RNF123: variants seen among roughly 807,000 people sequenced by gnomAD.
RNF123 encodes the protein E3 ubiquitin-protein ligase RNF123.
RNF123 carries 86 observed loss-of-function variants against 168.5 expected under a neutral mutation model. The observed-to-expected ratio is 0.51, with a 90% CI of 0.43 to 0.61. The LOEUF is 0.61. RNF123 is among the 20% of genes least tolerant of loss of function. RNF123 has a pLI of 0.00. For missense variants in RNF123, 1,419 were observed against 1,729.7 expected (o/e 0.82, Z 3.19); for synonymous variants, 666 against 689.1 (o/e 0.97, Z 0.52).
In RNF123 at chr3:49,716,144, C is replaced by T; in HGVS notation, c.3382C>T (p.Leu1128=). The T allele has an allele frequency of 6.2e-7, 1 of 1,613,742 alleles. No individual in the cohort carries two copies. Among genetic ancestry groups the T allele is most frequent in the Non-Finnish European group, 8.5e-7 (1 of 1,179,940 alleles). The change falls in exon 34 of 39, where the codon CTG becomes TTG. Residue 1128 remains leucine (L), a synonymous_variant. Coordinates refer to ENST00000327697, the MANE Select transcript of RNF123 (RefSeq NM_022064.5). ...GAACCGGGTGACAGCTGAGAGGAAC[C>T]TGTTTGATCGTGTGGTCACCCTACG... is the stretch of plus-strand genomic sequence containing the variant. ...VLNRVTAERN[L]FDRVVTLRLP...
At chr3:49,716,506 G>T in intron 35 of RNF123, 29 bp downstream of exon 35, 2 of 1,597,478 alleles carry the variant, frequency 1.3e-6, no homozygotes, top group South Asian at 2.2e-5. Flanking sequence ...GGGCCCCTGT[G>T]GGAGTTGGGT....
chr3:49,697,531 C>G, intron 5 of RNF123, 74 bp downstream of exon 5: 1 of 1,211,446 alleles, frequency 8.3e-7, no homozygotes, highest in Non-Finnish European at 1.2e-6. Flanking sequence ...CTGATGTGGC[C>G]CTAGTCTCTC....
intron 35 of RNF123, 188 bp from the exon 36 acceptor site, chr3:49,720,323 A>G: frequency 4.1e-6 from 2 of 491,646 alleles, no homozygotes; most frequent in South Asian, 6.8e-5. Context: ...TCAAGAAAAA[A>G]AAAAAAAAAA....
chr3:49,700,343 CT>C lies in RNF123; in HGVS notation c.1103del (p.Phe368SerfsTer14). 6.2e-7 allele frequency: 1 copy of C among 1,614,188 alleles called. No homozygotes were observed. Among genetic ancestry groups the C allele is most frequent in the Non-Finnish European group, 8.5e-7 (1 of 1,180,012 alleles). ...VHQVLDLLWL[F>X]MEDYEVQDCL... Reference sequence around the variant, plus strand: ...ACCAGGTCCTGGACCTCTTGTGGCTCTTCATGGAGGTGAGGCTCCTGACCTC... The same window carrying C: ...ACCAGGTCCTGGACCTCTTGTGGCTCTCATGGAGGTGAGGCTCCTGACCTC... On this transcript the variant is annotated frameshift_variant, in exon 13 of 39. Coordinates refer to ENST00000327697, the MANE Select transcript of RNF123 (RefSeq NM_022064.5). LOFTEE classifies it high-confidence loss of function.
Position 49,713,790 on chromosome 3 carries a change from C to T in RNF123, c.2802C>T (p.His934=), listed in dbSNP as rs143071861. 4.9e-4 allele frequency: 783 copies of T among 1,612,206 alleles called. No homozygotes were observed. The highest frequency in any genetic ancestry group is 1.2e-3 in the Middle Eastern group (7 of 6,066). Reference sequence around the variant, plus strand: ...TGGCCAGCTACGTGTGCTACCCACACTCCCTGCGGGCTGTGGAGCGAATCC... The same window carrying T: ...TGGCCAGCTACGTGTGCTACCCACATTCCCTGCGGGCTGTGGAGCGAATCC... The part of the protein sequence containing the change: ...QALASYVCYP[H]SLRAVERIPE... Residue 934 remains histidine, a synonymous_variant, in exon 29 of 39, where the codon CAC becomes CAT. Transcript: ENST00000327697.
rs372671110 is a variant in RNF123 at position 49,720,908 on chromosome 3, C to T, written c.3738+14C>T. 6.1e-5 allele frequency: 98 copies of T among 1,613,448 alleles called. No homozygotes were observed. The highest frequency in any genetic ancestry group is 5.7e-5 in the Non-Finnish European group (67 of 1,179,572). On this transcript the variant is annotated intron_variant, in intron 37 of 38. Coordinates refer to ENST00000327697, the MANE Select transcript of RNF123 (RefSeq NM_022064.5). ...GCTGCCTCCCTGGTGAGTGGGAACA[C>T]GGTGCACAGGTCCATGCCACTTGAA...
rs1462622328 is a variant in RNF123, at chr3:49,716,285, G to A, written c.3415+108G>A. 4 of 1,547,276 alleles carry A rather than the reference G, an allele frequency of 2.6e-6. No homozygotes were observed. In the African/African-American group the frequency reaches 5.4e-5, roughly 21 times the overall value. On this transcript the variant is annotated intron_variant, in intron 34 of 38. Transcript: ENST00000327697. ...CTGCCCCCGGACAGCCAGACTTGGTGCTCTGCAGTCTCGGCTCACCCTTCT... is the reference window on the plus strand; with the variant it reads ...CTGCCCCCGGACAGCCAGACTTGGTACTCTGCAGTCTCGGCTCACCCTTCT...
rs1320838000 is a variant in RNF123 at position 49,698,424 on chromosome 3, G to A, written c.484-16G>A. The A allele has an allele frequency of 1.9e-6, 3 of 1,611,368 alleles. No individual in the cohort carries two copies. The highest frequency in any genetic ancestry group is 4.5e-5 in the East Asian group (2 of 44,886). On this transcript the variant is annotated splice_polypyrimidine_tract_variant and intron_variant, in intron 7 of 38. Coordinates refer to ENST00000327697, the MANE Select transcript of RNF123 (RefSeq NM_022064.5). ...TGCCTGCCTCACCAGGGACCTCATA[G>A]GCATTTCCTCCCTAGGAGGGGGTTG...
In RNF123 at chr3:49,715,957, T is replaced by G. The variant is rs769382738; in HGVS notation, c.3286T>G (p.Phe1096Val). Residue 1096 changes from phenylalanine to valine, a missense_variant, in exon 33 of 39, where the codon TTC becomes GTC. By Grantham distance (50) the Phe-to-Val change is conservative (BLOSUM62 -1). This residue lies in a region of RNF123 where 538 missense variants were observed against 708.8 expected (regional missense o/e 0.76). Transcript: ENST00000327697. Reference sequence around the variant, plus strand: ...GACTATCACACTGGTGCCTGAGATATTCCTTGACTGGACCCGGCCTACCTC... The same window carrying G: ...GACTATCACACTGGTGCCTGAGATAGTCCTTGACTGGACCCGGCCTACCTC... ...EMTITLVPEI[F>V]LDWTRPTSEM... 1.2e-6 allele frequency: 2 copies of G among 1,614,040 alleles called. No homozygotes were observed. The highest frequency in any genetic ancestry group is 1.1e-5 in the South Asian group (1 of 91,092).
At position 49,697,215 on chromosome 3, in the gene RNF123, A is replaced by T; in HGVS notation, c.240A>T (p.Glu80Asp). The T allele has an allele frequency of 6.2e-7, 1 of 1,614,028 alleles. No individual in the cohort carries two copies. Among genetic ancestry groups the T allele is most frequent in the Non-Finnish European group, 8.5e-7 (1 of 1,179,924 alleles). Residue 80 changes from glutamate to aspartate, a missense_variant, in exon 4 of 39, where the codon GAA becomes GAT. Glu to Asp is a conservative substitution (Grantham distance 45). Transcript: ENST00000327697. The part of the protein sequence containing the change: ...QLLQVDNEEE[E>D]SQGQVEGRLG... ...TACAGGTGGACAATGAGGAGGAGGA[A>T]AGCCAGGGTATGTGGCCACCTCTGG...
chr3:49,713,579 T>C lies in RNF123; in HGVS notation c.2741T>C (p.Val914Ala), dbSNP rs1210665947. The C allele has an allele frequency of 1.9e-6, 3 of 1,611,978 alleles. No individual in the cohort carries two copies. Among genetic ancestry groups the C allele is most frequent in the African/African-American group, 1.3e-5 (1 of 74,904 alleles). The change falls in exon 28 of 39, where the codon GTG becomes GCG. Residue 914 changes from valine to alanine, a missense_variant. This residue lies in a region of RNF123 where 538 missense variants were observed against 708.8 expected (regional missense o/e 0.76). Coordinates refer to ENST00000327697, the MANE Select transcript of RNF123 (RefSeq NM_022064.5). Reference sequence around the variant, plus strand: ...AAACACTTTGCCGACGCACGCATTGTGGGCACTGGTGAGGGGCCCCTACAG... The same window carrying C: ...AAACACTTTGCCGACGCACGCATTGCGGGCACTGGTGAGGGGCCCCTACAG... Reference protein sequence around the residue: ...LAKHFADARIVGTDIRDSLMQ... With the variant: ...LAKHFADARIAGTDIRDSLMQ...
At position 49,716,454 on chromosome 3, in the gene RNF123, C is replaced by T; in HGVS notation, c.3477C>T (p.Leu1159=). ...LVAVTGILVQ[L]LVRGPASERE... ...CAGTGACGGGCATCCTGGTGCAGCTCCTGGTGCGTGGCCCAGCCTCAGAGT... is the reference window on the plus strand; with the variant it reads ...CAGTGACGGGCATCCTGGTGCAGCTTCTGGTGCGTGGCCCAGCCTCAGAGT... Residue 1159 remains leucine, a synonymous_variant, in exon 35 of 39, where the codon CTC becomes CTT. Coordinates refer to ENST00000327697, the MANE Select transcript of RNF123 (RefSeq NM_022064.5). 1 of 1,614,066 alleles carries T rather than the reference C, an allele frequency of 6.2e-7. No homozygotes were observed. Among genetic ancestry groups the T allele is most frequent in the Non-Finnish European group, 8.5e-7 (1 of 1,179,976 alleles).
intron 35 of RNF123, chr3:49,717,029 A>C (rs1199217034): frequency 6.5e-6 from 1 of 154,010 alleles, no homozygotes; most frequent in East Asian, 1.9e-4. Flanking sequence ...GGCTGAGACC[A>C]GTGCCAGCCC....
intron 35 of RNF123, chr3:49,718,328 C>G (rs370014658): frequency 1.3e-5 from 21 of 1,613,246 alleles, no homozygotes; most frequent in African/African-American, 2.7e-5. Context: ...GTGTTGAAAG[C>G]CTCGGGCTCT....
intron 3 of RNF123, among the ~76,000 whole-genome samples, chr3:49,692,858 C>A (rs1192108290): frequency 6.6e-6 from 1 of 152,026 alleles, no homozygotes; most frequent in African/African-American, 2.4e-5. Context: ...ACCATGTTTT[C>A]TTTATTTATT....
Position 49,702,623 on chromosome 3 carries a change from G to C in RNF123, c.1630-10G>C. 1 of 1,614,222 alleles carries C rather than the reference G, an allele frequency of 6.2e-7. No individual in the cohort carries two copies. Among genetic ancestry groups the C allele is most frequent in the Non-Finnish European group, 8.5e-7 (1 of 1,180,034 alleles). Reference sequence around the variant, plus strand: ...GGCACCAATGCATGTTTCATGCCTGGTGTCCACAGAACATGCCCATGCTCT... The same window carrying C: ...GGCACCAATGCATGTTTCATGCCTGCTGTCCACAGAACATGCCCATGCTCT... On this transcript the variant is annotated splice_polypyrimidine_tract_variant and intron_variant, in intron 19 of 38. Coordinates refer to ENST00000327697, the MANE Select transcript of RNF123 (RefSeq NM_022064.5).
rs148209804 is a variant in RNF123, at chr3:49,701,121, G to T, written c.1278-370G>T. Among the ~76,000 whole-genome samples the T allele has an allele frequency of 9.1e-3, 1,388 of 152,366 alleles. 18 individuals carry two copies. Among genetic ancestry groups the T allele is most frequent in the African/African-American group, 0.032 (1,332 of 41,580 alleles). Reference sequence around the variant, plus strand: ...TTGAGCCCCTGGCTGGGAAGCCTCAGCTTGTAGCCGTTTTCTTGGTCTGGG... The same window carrying T: ...TTGAGCCCCTGGCTGGGAAGCCTCATCTTGTAGCCGTTTTCTTGGTCTGGG... On this transcript the variant is annotated intron_variant, in intron 15 of 38. Transcript: ENST00000327697.
chr3:49,718,062 C>T (rs1483602978), intron 35 of RNF123: 1 of 1,613,546 alleles, frequency 6.2e-7, no homozygotes, highest in Non-Finnish European at 8.5e-7. Flanking sequence ...CTGCCAGCTG[C>T]ACGCGGCCAT....
intron 3 of RNF123, among the ~76,000 whole-genome samples, chr3:49,696,642 CTTT>C (rs35074575): frequency 8.5e-6 from 1 of 117,962 alleles, no homozygotes; most frequent in Admixed American, 9.0e-5. Flanking sequence ...TGGCCACATA[CTTT>C]TTTTTTTTTT....
Sources: gnomAD v4.1 joint callset for allele counts (sites outside exome capture counted in the v4.1 genomes callset) on GRCh38, gnomAD v4.1.1 for gene constraint, gnomAD v4.1.1 regional missense constraint, MANE v1.5 for transcripts, NCBI Gene and HGNC (gene_info 2026-07-23, HGNC 2026-07-21) for gene names.